The following CSMD2 variants were observed in gnomAD, a reference collection of about 807,000 sequenced individuals.
CSMD2 encodes CUB and sushi domain-containing protein 2.
Under a neutral mutation model 398.5 loss-of-function variants are expected in CSMD2, and 130 were observed. That is an observed-to-expected ratio of 0.33 (90% confidence interval 0.28 to 0.38). CSMD2 has a LOEUF of 0.38. Among genes scored for constraint, CSMD2 ranks in the 10% least tolerant of loss-of-function variants. CSMD2 has a pLI of 1.00. For synonymous variants in CSMD2, 1,828 were observed against 1,908.5 expected (o/e 0.96, Z 1.10); for missense variants, 3,829 against 4,764.9 (o/e 0.80, Z 5.78).
At chr1:33,998,309 G>C (rs780287096) in intron 3 of CSMD2, among the ~76,000 whole-genome samples, 2 of 152,110 alleles carry the variant, frequency 1.3e-5, no homozygotes, top group Non-Finnish European at 2.9e-5. Context: ...ATCAGATGTG[G>C]CCCCTAGTCC....
chr1:33,682,289 C>A lies in CSMD2; in HGVS notation c.4052+10641G>T, dbSNP rs141774530. Reference sequence around the variant, plus strand: ...GGTTCACCCAGATAATCCAGGATAACCCCTTCATTTCAAAATCCTTAATTT... The same window carrying A: ...GGTTCACCCAGATAATCCAGGATAAACCCTTCATTTCAAAATCCTTAATTT... On this transcript the variant is annotated intron_variant, in intron 25 of 70. Transcript: ENST00000373381. Among the ~76,000 whole-genome samples, 9 of 152,268 alleles carry A rather than the reference C, an allele frequency of 5.9e-5. No individual in the cohort carries two copies. In the East Asian group the frequency reaches 1.7e-3, roughly 29 times the overall value.
chr1:33,956,120 A>G (rs933885073), intron 3 of CSMD2, among the ~76,000 whole-genome samples: 1 of 152,170 alleles, frequency 6.6e-6, no homozygotes, highest in African/African-American at 2.4e-5. Flanking sequence ...ATATACATAA[A>G]ATGTAGCATC....
chr1:33,997,315 T>A (rs1052922096), intron 3 of CSMD2, among the ~76,000 whole-genome samples: 2 of 152,222 alleles, frequency 1.3e-5, no homozygotes, highest in Non-Finnish European at 2.9e-5. Context: ...TGTCCAAATA[T>A]GATTCTCAGT....
chr1:33,762,101 C>T (rs1337260130), intron 13 of CSMD2, among the ~76,000 whole-genome samples: 1 of 152,330 alleles, frequency 6.6e-6, no homozygotes, highest in Middle Eastern at 3.4e-3. Flanking sequence ...TCCCCGAGGA[C>T]CACAGAGTCT....
intron 6 of CSMD2, among the ~76,000 whole-genome samples, chr1:33,838,083 G>C (rs1315183708): frequency 6.6e-6 from 1 of 152,194 alleles, no homozygotes; most frequent in Non-Finnish European, 1.5e-5. Flanking sequence ...GAGTCAAGAA[G>C]TGGAGGGAAT....
intron 2 of CSMD2, among the ~76,000 whole-genome samples, chr1:34,045,144 G>A (rs762391747): frequency 4.6e-5 from 7 of 151,988 alleles, no homozygotes; most frequent in Non-Finnish European, 1.0e-4. Context: ...CTAAAACTGG[G>A]AAATGTGGAA....
intron 2 of CSMD2, among the ~76,000 whole-genome samples, chr1:34,042,980 G>A (rs1416635428): frequency 6.6e-6 from 1 of 152,028 alleles, no homozygotes; most frequent in Non-Finnish European, 1.5e-5. Context: ...CAGTAGAGAT[G>A]GAGTTTGACC....
chr1:33,709,449 C>G (rs2149152378), intron 21 of CSMD2, 191 bp from the exon 22 acceptor site: 1 of 572,198 alleles, frequency 1.7e-6, no homozygotes, highest in Non-Finnish European at 3.1e-6. Flanking sequence ...AAATACTTCC[C>G]TACCTATGGT....
intron 1 of CSMD2, among the ~76,000 whole-genome samples, chr1:34,158,085 T>C (rs1186864769): frequency 6.6e-6 from 1 of 152,186 alleles, no homozygotes; most frequent in Non-Finnish European, 1.5e-5. Flanking sequence ...TTGAGCTCTC[T>C]AGAGTCCAGG....
At chr1:33,740,889 T>G (rs1336777893) in intron 14 of CSMD2, among the ~76,000 whole-genome samples, 1 of 152,212 alleles carries the variant, frequency 6.6e-6, no homozygotes, top group African/African-American at 2.4e-5. Context: ...TGGAGTTATT[T>G]CCAACATCTG....
chr1:33,739,421 A>G, intron 14 of CSMD2, 87 bp from the exon 15 acceptor site: 1 of 1,263,596 alleles, frequency 7.9e-7, no homozygotes, highest in Non-Finnish European at 1.1e-6. Context: ...TGGGATGGGA[A>G]ACCCTAGAAC....
chr1:33,524,722 T>C (rs1423990842), intron 66 of CSMD2, among the ~76,000 whole-genome samples, 160 bp downstream of exon 66: 3 of 152,204 alleles, frequency 2.0e-5, no homozygotes, highest in Non-Finnish European at 4.4e-5. Context: ...TAGTCCACAG[T>C]GCTTTATCAT....
chr1:33,871,339 T>G (rs1640446339), intron 5 of CSMD2, among the ~76,000 whole-genome samples: 1 of 152,178 alleles, frequency 6.6e-6, no homozygotes, highest in African/African-American at 2.4e-5. Context: ...TTGAAGACAC[T>G]GTAGAAATCT....
intron 3 of CSMD2, among the ~76,000 whole-genome samples, chr1:33,936,465 G>A (rs537124683): frequency 6.6e-6 from 1 of 152,346 alleles, no homozygotes; most frequent in African/African-American, 2.4e-5. Context: ...CAGGGGAGTT[G>A]AAAGGGTTGG....
At chr1:33,735,453 C>T (rs74620359) in intron 15 of CSMD2, among the ~76,000 whole-genome samples, 1,663 of 152,282 alleles carry the variant, frequency 0.011, 34 homozygotes, top group African/African-American at 0.039. Context: ...ACCCGGAAGT[C>T]TTTCTTGGGA....
At chr1:33,757,382 G>T (rs1649188868) in intron 13 of CSMD2, among the ~76,000 whole-genome samples, 1 of 152,068 alleles carries the variant, frequency 6.6e-6, no homozygotes, top group Admixed American at 6.5e-5. Context: ...TGAACTTTTT[G>T]TCTTCTTCCC....
At chr1:33,820,897 C>G (rs746248301) in intron 7 of CSMD2, among the ~76,000 whole-genome samples, 1 of 152,170 alleles carries the variant, frequency 6.6e-6, no homozygotes, top group Non-Finnish European at 1.5e-5. Flanking sequence ...GACCTCCCCC[C>G]ACCACGCCTA....
chr1:34,059,739 T>TGAATGAATGAATGAAC (rs1654257228), intron 2 of CSMD2, among the ~76,000 whole-genome samples: 1 of 152,258 alleles, frequency 6.6e-6, no homozygotes. Context: ...AATGAATGAA[T>TGAATGAATGAATGAAC]GAACGAATGA....
In CSMD2 at chr1:33,592,841, C is replaced by T. The variant is rs575265239; in HGVS notation, c.6857-5673G>A. 5.1e-4 allele frequency among the ~76,000 whole-genome samples: 78 copies of T among 151,620 alleles called. 1 individual carries two copies. Among genetic ancestry groups the T allele is most frequent in the African/African-American group, 1.7e-3 (69 of 41,324 alleles). On this transcript the variant is annotated intron_variant, in intron 44 of 70. Transcript: ENST00000373381. The stretch of plus-strand genomic sequence containing the variant: ...GTGGGTGCCTGTAGTCCCAGCTACT[C>T]GGGAGGCTGAGGCAGGAGAATGGTG...
Sources: gnomAD v4.1 joint callset for allele counts (sites outside exome capture counted in the v4.1 genomes callset) on GRCh38, gnomAD v4.1.1 for gene constraint, MANE v1.5 for transcripts, NCBI Gene and HGNC (gene_info 2026-07-23, HGNC 2026-07-21) for gene names.